Variants in RNLS observed in about 807,000 individuals in gnomAD.
RNLS encodes renalase, FAD dependent amine oxidase.
A neutral mutation model predicts 39.8 loss-of-function variants in RNLS; 39 were observed. The observed-to-expected ratio is 0.98, with a 90% CI of 0.76 to 1.28. The LOEUF is 1.28. RNLS is among the 50% of genes most tolerant of loss of function. The probability of loss-of-function intolerance (pLI) is 0.00; values close to 1 mark genes in which losing one functional copy is unlikely to be tolerated. For synonymous variants in RNLS, 147 were observed against 150.7 expected (o/e 0.98, Z 0.18); for missense variants, 410 against 413.3 (o/e 0.99, Z 0.07).
chr10:88,200,023 G>C, the RNLS span, among the ~76,000 whole-genome samples: 1 of 152,124 alleles, frequency 6.6e-6, no homozygotes, highest in African/African-American at 2.4e-5. Flanking sequence ...CAGCTACCCA[G>C]GAGGCTGAGG....
intron 4 of RNLS, among the ~76,000 whole-genome samples, chr10:88,406,451 T>A (rs1490110825): frequency 1.3e-5 from 2 of 152,094 alleles, no homozygotes; most frequent in Non-Finnish European, 2.9e-5. Flanking sequence ...TTTCTTGGAT[T>A]GGGATAATTC....
intron 5 of RNLS, among the ~76,000 whole-genome samples, chr10:88,360,497 C>T (rs777369879): frequency 3.9e-5 from 6 of 152,280 alleles, no homozygotes; most frequent in South Asian, 4.1e-4. Flanking sequence ...TGCAGTGGCA[C>T]GATCTTTGCT....
chr10:88,173,080 G>A, the RNLS span, among the ~76,000 whole-genome samples: 22 of 151,676 alleles, frequency 1.5e-4, no homozygotes, highest in East Asian at 1.8e-3. Context: ...GGGTGGTCTC[G>A]ATCTCCTGAC....
At chr10:88,223,646 T>G in the RNLS span, among the ~76,000 whole-genome samples, 1 of 152,182 alleles carries the variant, frequency 6.6e-6, no homozygotes, top group African/African-American at 2.4e-5. Context: ...GTACTTTCTA[T>G]GGAGATATGT....
At chr10:88,225,914 TA>T in the RNLS span, among the ~76,000 whole-genome samples, 2 of 150,370 alleles carry the variant, frequency 1.3e-5, no homozygotes, top group South Asian at 2.1e-4. Flanking sequence ...ATCAGTGTCC[TA>T]TTTTTTTTTT....
At chr10:88,181,177 C>T in the RNLS span, among the ~76,000 whole-genome samples, 1 of 152,128 alleles carries the variant, frequency 6.6e-6, no homozygotes, top group African/African-American at 2.4e-5. Context: ...GGCAGAAGCA[C>T]AGATCAGGGA....
chr10:88,179,164 CAGGT>C, the RNLS span, among the ~76,000 whole-genome samples: 1 of 152,086 alleles, frequency 6.6e-6, no homozygotes, highest in Admixed American at 6.5e-5. Context: ...GAAAAGAAAT[CAGGT>C]AGGGGGAATG....
intron 4 of RNLS, among the ~76,000 whole-genome samples, chr10:88,572,164 T>C (rs1849875813): frequency 6.6e-6 from 1 of 152,174 alleles, no homozygotes. Context: ...GATATAAGCA[T>C]GTAAATGACA....
In RNLS at chr10:88,582,483, A is replaced by G. The variant is rs78412955; in HGVS notation, c.119-176T>C. On this transcript the variant is annotated intron_variant, in intron 1 of 6. Transcript: ENST00000331772. ...TAGAAGGAGTCATGAACAATGTAACAGTGTCCAGCACCATTATAGTGCATA... is the reference window on the plus strand; with the variant it reads ...TAGAAGGAGTCATGAACAATGTAACGGTGTCCAGCACCATTATAGTGCATA... Among the ~76,000 whole-genome samples the G allele has an allele frequency of 9.6e-3, 1,459 of 152,378 alleles. 32 individuals are homozygous for G. The highest frequency in any genetic ancestry group is 0.034 in the African/African-American group (1,409 of 41,594).
the RNLS span, among the ~76,000 whole-genome samples, chr10:88,244,698 T>TC: frequency 1.3e-4 from 20 of 148,346 alleles, no homozygotes; most frequent in Non-Finnish European, 2.0e-4. Context: ...ATGCTTTTTT[T>TC]TTTTTCTTTC....
the RNLS span, among the ~76,000 whole-genome samples, chr10:88,189,048 G>C: frequency 3.0e-4 from 45 of 152,132 alleles, no homozygotes; most frequent in African/African-American, 1.1e-3. Flanking sequence ...CAGTTTTCTC[G>C]TTTCAAAAAT....
At chr10:88,303,031 A>C (rs1844643729) in intron 6 of RNLS, among the ~76,000 whole-genome samples, 1 of 152,192 alleles carries the variant, frequency 6.6e-6, no homozygotes, top group Non-Finnish European at 1.5e-5. Flanking sequence ...AGCTGGGAAC[A>C]CTGCATGGGG....
At chr10:88,313,770 C>T (rs548335650) in intron 6 of RNLS, among the ~76,000 whole-genome samples, 9 of 152,298 alleles carry the variant, frequency 5.9e-5, no homozygotes, top group Non-Finnish European at 1.0e-4. Flanking sequence ...CCCTTTGCTT[C>T]GTTGTCCCCT....
chr10:88,274,228 A>C (rs773509304), exon 7 of RNLS: 2 of 152,198 alleles, frequency 1.3e-5, no homozygotes, highest in Non-Finnish European at 2.9e-5. Context: ...AACCACATTT[A>C]AATGTGCAGT....
At chr10:88,388,347 G>C (rs995700008) in intron 4 of RNLS, among the ~76,000 whole-genome samples, 1 of 152,156 alleles carries the variant, frequency 6.6e-6, no homozygotes, top group Non-Finnish European at 1.5e-5. Flanking sequence ...CTGGCACCCT[G>C]TCTTCCCCAG....
At chr10:88,540,807 T>C (rs1009554197) in intron 4 of RNLS, among the ~76,000 whole-genome samples, 1 of 152,078 alleles carries the variant, frequency 6.6e-6, no homozygotes, top group African/African-American at 2.4e-5. Flanking sequence ...ATGCCACATA[T>C]AGTAGCATAT....
intron 4 of RNLS, among the ~76,000 whole-genome samples, chr10:88,396,124 G>C (rs75313896): frequency 0.017 from 2,602 of 152,144 alleles, 83 homozygotes; most frequent in African/African-American, 0.06. Context: ...AAGGTCAATA[G>C]ACTATAATTT....
At chr10:88,538,152 T>C (rs1207001962) in intron 4 of RNLS, among the ~76,000 whole-genome samples, 2 of 152,150 alleles carry the variant, frequency 1.3e-5, no homozygotes, top group African/African-American at 4.8e-5. Flanking sequence ...GGGTCTTTAT[T>C]TACTCATTTG....
intron 4 of RNLS, among the ~76,000 whole-genome samples, chr10:88,533,267 G>C (rs954845474): frequency 6.6e-6 from 1 of 151,964 alleles, no homozygotes. Flanking sequence ...AATCATCATT[G>C]GTTAAAGAGC....
Sources: allele counts gnomAD v4.1 joint callset (sites outside exome capture counted in the v4.1 genomes callset), GRCh38; gene constraint gnomAD v4.1.1; transcripts MANE v1.5; gene names NCBI Gene and HGNC (gene_info 2026-07-23, HGNC 2026-07-21).